The following ABCC9 variants were observed in gnomAD, a reference collection of about 807,000 sequenced individuals.
The protein encoded by ABCC9 is ATP binding cassette subfamily C member 9.
A neutral mutation model predicts 188.3 loss-of-function variants in ABCC9; 95 were observed. The observed-to-expected ratio is 0.50, with a 90% CI of 0.43 to 0.60. ABCC9 has a LOEUF of 0.60. Among genes scored for constraint, ABCC9 ranks in the 20% least tolerant of loss-of-function variants. ABCC9 has a pLI of 0.00. For synonymous variants in ABCC9, 659 were observed against 652.7 expected (o/e 1.01, Z -0.15); for missense variants, 1,102 against 1,876.3 (o/e 0.59, Z 7.62).
At chr12:21,900,218 T>A (rs973243301) in intron 12 of ABCC9, among the ~76,000 whole-genome samples, 4 of 152,098 alleles carry the variant, frequency 2.6e-5, no homozygotes, top group African/African-American at 9.7e-5. Flanking sequence ...TGGACCTCCA[T>A]CAAACTCCAG....
chr12:21,914,704 C>T (rs1948462725), intron 7 of ABCC9, among the ~76,000 whole-genome samples: 1 of 152,048 alleles, frequency 6.6e-6, no homozygotes, highest in South Asian at 2.1e-4. Flanking sequence ...TTACTTTCCA[C>T]TTGGTGACAT....
chr12:21,910,105 T>C (rs985557757), intron 10 of ABCC9, 52 bp downstream of exon 10: 2 of 1,517,168 alleles, frequency 1.3e-6, no homozygotes, highest in Non-Finnish European at 1.8e-6. Flanking sequence ...TACTGCTTTT[T>C]TTGTTTTATT....
In ABCC9 at chr12:21,861,293, C is replaced by T. The variant is rs149859886; in HGVS notation, c.2340-238G>A. Among the ~76,000 whole-genome samples the T allele has an allele frequency of 3.3e-3, 496 of 150,458 alleles. 1 individual carries two copies. Among genetic ancestry groups the T allele is most frequent in the African/African-American group, 0.011 (449 of 40,778 alleles). ...TCACCCAAGCTGGAGTTCAGTGGCA[C>T]GATCTTGGTTCACTGCAACCTCTGC... On this transcript the variant is annotated intron_variant, in intron 20 of 39. Coordinates refer to ENST00000261200, the MANE Select transcript of ABCC9 (RefSeq NM_020297.4).
chr12:21,809,924 C>G lies in ABCC9; in HGVS notation c.4243G>C (p.Asp1415His). 6.2e-7 allele frequency: 1 copy of G among 1,612,454 alleles called. No individual in the cohort carries two copies. Residue 1415 changes from aspartate to histidine, a missense_variant, in exon 37 of 40, where the codon GAT becomes CAT. By Grantham distance (81) the Asp-to-His change is moderately conservative. Coordinates refer to ENST00000261200, the MANE Select transcript of ABCC9 (RefSeq NM_020297.4). ...TCTAAGGCTTCCCAGAGTCTGTCAT[C>G]TGTGCATTTGCACTCTGGATCTAAA... is the stretch of plus-strand genomic sequence containing the variant. Reference protein sequence around the residue: ...FNLDPECKCTDDRLWEALEIA... With the variant: ...FNLDPECKCTHDRLWEALEIA...
intron 11 of ABCC9, among the ~76,000 whole-genome samples, chr12:21,907,108 T>C (rs1436583251): frequency 6.6e-6 from 1 of 151,996 alleles, no homozygotes; most frequent in Non-Finnish European, 1.5e-5. Context: ...CTTTACAGGG[T>C]GTTTAAATGC....
chr12:21,914,527 TTAATG>T (rs1948453414), intron 7 of ABCC9, among the ~76,000 whole-genome samples: 1 of 152,186 alleles, frequency 6.6e-6, no homozygotes, highest in Non-Finnish European at 1.5e-5. Flanking sequence ...TAGTCACTAA[TTAATG>T]TAAGGTTTTT....
At chr12:21,906,643 A>T (rs1174891790) in intron 11 of ABCC9, among the ~76,000 whole-genome samples, 1 of 152,136 alleles carries the variant, frequency 6.6e-6, no homozygotes, top group South Asian at 2.1e-4. Flanking sequence ...AATGACTCCT[A>T]ACATCTAACT....
At chr12:21,898,401 C>T (rs950598658) in intron 12 of ABCC9, among the ~76,000 whole-genome samples, 3 of 152,108 alleles carry the variant, frequency 2.0e-5, no homozygotes, top group African/African-American at 7.2e-5. Flanking sequence ...ACAATATAAG[C>T]AAGTGAATCT....
At chr12:21,823,243 C>T (rs1349288898) in intron 31 of ABCC9, among the ~76,000 whole-genome samples, 2 of 152,118 alleles carry the variant, frequency 1.3e-5, no homozygotes, top group African/African-American at 4.8e-5. Context: ...ATTCCCATGT[C>T]GAAAGAGAGG....
At chr12:21,859,443 C>T (rs770720451) in intron 22 of ABCC9, 143 bp downstream of exon 22, 7 of 824,334 alleles carry the variant, frequency 8.5e-6, no homozygotes, top group African/African-American at 3.3e-5. Context: ...ATCTGTACTT[C>T]AAGGATTTAT....
intron 31 of ABCC9, among the ~76,000 whole-genome samples, chr12:21,818,539 T>TGC (rs996378442): frequency 1.4e-5 from 2 of 147,068 alleles, no homozygotes; most frequent in Non-Finnish European, 3.0e-5. Flanking sequence ...TGTGTGTGTG[T>TGC]GTGTGTGTGT....
chr12:21,826,704 A>G (rs1046344881), intron 31 of ABCC9, among the ~76,000 whole-genome samples: 17 of 152,212 alleles, frequency 1.1e-4, no homozygotes, highest in African/African-American at 3.6e-4. Context: ...GTTTATCCAT[A>G]TAAAGTTACT....
intron 18 of ABCC9, among the ~76,000 whole-genome samples, chr12:21,868,563 C>T (rs1000925531): frequency 9.2e-5 from 14 of 152,096 alleles, no homozygotes; most frequent in African/African-American, 3.4e-4. Flanking sequence ...GGCATAAACC[C>T]AGGAGGCCGA....
At chr12:21,802,864 G>C (rs1172665709) in intron 39 of ABCC9, among the ~76,000 whole-genome samples, 1 of 152,086 alleles carries the variant, frequency 6.6e-6, no homozygotes, top group Non-Finnish European at 1.5e-5. Flanking sequence ...GATAGGGTGG[G>C]CTCAGTGTTT....
intron 8 of ABCC9, among the ~76,000 whole-genome samples, chr12:21,912,252 A>G (rs560579068): frequency 3.3e-5 from 5 of 152,172 alleles, no homozygotes; most frequent in Non-Finnish European, 7.4e-5. Flanking sequence ...ACAAAAATCA[A>G]TACTTAGAAA....
chr12:21,913,137 A>C, intron 7 of ABCC9, 71 bp from the exon 8 acceptor site: 88 of 1,325,072 alleles, frequency 6.6e-5, no homozygotes, highest in Middle Eastern at 2.0e-4. Flanking sequence ...AACTAATCTC[A>C]TGTATGGAAA....
At position 21,821,002 on chromosome 12, in the gene ABCC9, T is replaced by C. The variant is rs970894105; in HGVS notation, c.3670-2751A>G. ...TTATCTCCAGCAATAGGAATAATGC[T>C]AAATACATTGATTGTAAAGCTTCAG... On this transcript the variant is annotated intron_variant, in intron 31 of 39. Coordinates refer to ENST00000261200, the MANE Select transcript of ABCC9 (RefSeq NM_020297.4). Among the ~76,000 whole-genome samples the C allele has an allele frequency of 9.2e-5, 14 of 152,326 alleles. No homozygotes were observed. In the South Asian group the frequency reaches 2.7e-3, roughly 29 times the overall value.
At chr12:21,803,302 A>C (rs1303480213) in intron 39 of ABCC9, among the ~76,000 whole-genome samples, 1 of 152,084 alleles carries the variant, frequency 6.6e-6, no homozygotes, top group African/African-American at 2.4e-5. Flanking sequence ...TAAACCCATA[A>C]ATATAATCTT....
chr12:21,868,194 G>A (rs933492592), intron 18 of ABCC9, among the ~76,000 whole-genome samples: 3 of 152,028 alleles, frequency 2.0e-5, no homozygotes, highest in African/African-American at 4.8e-5. Context: ...AACAACTATC[G>A]GCATCTGTAT....
Sources: allele counts gnomAD v4.1 joint callset (sites outside exome capture counted in the v4.1 genomes callset), GRCh38; gene constraint gnomAD v4.1.1; transcripts MANE v1.5; gene names NCBI Gene and HGNC (gene_info 2026-07-23, HGNC 2026-07-21).